Variants in CACNA2D2 observed in about 807,000 individuals in gnomAD.
CACNA2D2 encodes voltage-dependent calcium channel subunit alpha-2/delta-2.
A neutral mutation model predicts 166.4 loss-of-function variants in CACNA2D2; 48 were observed. The ratio of observed to expected loss-of-function variants is 0.29; its 90% confidence interval spans 0.23 to 0.37. CACNA2D2 has a LOEUF of 0.37. Ranked by LOEUF, CACNA2D2 falls within the 10% of genes least tolerant of loss-of-function variation. The pLI is 1.00. For synonymous variants in CACNA2D2, 561 were observed against 573.7 expected, an observed-to-expected ratio of 0.98 and a Z score of 0.32; for missense variants, 1,122 against 1,433.0, an observed-to-expected ratio of 0.78 and a Z score of 3.50.
intron 3 of CACNA2D2, among the ~76,000 whole-genome samples, chr3:50,415,318 C>T (rs1213036747): frequency 6.6e-6 from 1 of 152,170 alleles, no homozygotes; most frequent in Non-Finnish European, 1.5e-5. Flanking sequence ...CCGTGTGGGT[C>T]CAGGGTTGGG....
chr3:50,377,657 C>T, intron 16 of CACNA2D2, 75 bp downstream of exon 16: 2 of 1,566,702 alleles, frequency 1.3e-6, no homozygotes, highest in South Asian at 2.3e-5. Flanking sequence ...GCCCCTCTTC[C>T]ACCCTCAGAC....
At chr3:50,460,548 C>G (rs771765974) in intron 2 of CACNA2D2, among the ~76,000 whole-genome samples, 1 of 151,934 alleles carries the variant, frequency 6.6e-6, no homozygotes, top group Non-Finnish European at 1.5e-5. Flanking sequence ...GAAACAAGAA[C>G]AAGATATTAT....
intron 2 of CACNA2D2, among the ~76,000 whole-genome samples, chr3:50,440,300 G>T (rs1559950532): frequency 6.6e-6 from 1 of 152,242 alleles, no homozygotes; most frequent in Non-Finnish European, 1.5e-5. Context: ...AGCCCTCAGG[G>T]CACACTATCG....
chr3:50,414,889 C>CA (rs1377139416), intron 3 of CACNA2D2, among the ~76,000 whole-genome samples: 1 of 152,218 alleles, frequency 6.6e-6, no homozygotes, highest in African/African-American at 2.4e-5. Flanking sequence ...TGCAAAGAGG[C>CA]TCAGGCGCAC....
intron 2 of CACNA2D2, among the ~76,000 whole-genome samples, chr3:50,471,563 T>A (rs930660754): frequency 6.6e-6 from 1 of 152,108 alleles, no homozygotes; most frequent in African/African-American, 2.4e-5. Flanking sequence ...GTACCCTCCC[T>A]AGATGGTAAC....
chr3:50,379,341 C>A lies in CACNA2D2; in HGVS notation c.1152+91G>T. On this transcript the variant is annotated intron_variant, in intron 11 of 37. Coordinates refer to ENST00000424201, the MANE Select transcript of CACNA2D2 (RefSeq NM_006030.4). The surrounding 1 kb of genome is among the most constrained non-coding windows in gnomAD (Gnocchi z 6.5). ...ATCTGTCCAAGCTGCCTGTTTGGTG[C>A]TAACGAGGCCATCCGTCTTGATTTC... 6.6e-7 allele frequency: 1 copy of A among 1,520,910 alleles called. No homozygotes were observed. The highest frequency in any genetic ancestry group is 9.0e-7 in the Non-Finnish European group (1 of 1,110,412). The allele number at this position is 1,520,910 out of a possible 1,614,324, so 94.2% of individuals were successfully genotyped here. A position where few individuals can be genotyped will look rare whatever the true frequency, so the allele number is the denominator to read the frequency against.
In CACNA2D2 at chr3:50,378,336, G is replaced by A; in HGVS notation, c.1340-3C>T. 1 of 1,551,654 alleles carries A rather than the reference G, an allele frequency of 6.4e-7. No homozygotes were observed. The highest frequency in any genetic ancestry group is 8.7e-7 in the Non-Finnish European group (1 of 1,147,126). ...GGAAGGGATCTCAAAATAGTAGCCT[G>A]TGAAGGAAGGAGAGGCAGAGGTGGG... On this transcript the variant is annotated splice_polypyrimidine_tract_variant and splice_region_variant and intron_variant, in intron 13 of 37. Transcript: ENST00000424201.
Position 50,364,582 on chromosome 3 carries a change from T to C in CACNA2D2, c.*84A>G. On this transcript the variant is annotated 3_prime_UTR_variant, in exon 38 of 38. Transcript: ENST00000424201. Reference sequence around the variant, plus strand: ...CTTCAGTGAGGGAGGGACGAGGCTCTAAGGCGGGGAGTGTGGGGCAGGAGG... The same window carrying C: ...CTTCAGTGAGGGAGGGACGAGGCTCCAAGGCGGGGAGTGTGGGGCAGGAGG... 1.4e-6 allele frequency: 2 copies of C among 1,407,972 alleles called. No homozygotes were observed. The highest frequency in any genetic ancestry group is 9.3e-7 in the Non-Finnish European group (1 of 1,071,462). 87.2% of individuals were successfully genotyped at this position (1,407,972 alleles called of 1,614,324 possible). A position where few individuals can be genotyped will look rare whatever the true frequency, so the allele number is the denominator to read the frequency against.
Position 50,375,166 on chromosome 3 carries a change from G to A in CACNA2D2, c.1908-353C>T, listed in dbSNP as rs587737636. Among the ~76,000 whole-genome samples, 5 of 152,230 alleles carry A rather than the reference G, an allele frequency of 3.3e-5. No homozygotes were observed. Among genetic ancestry groups the A allele is most frequent in the African/African-American group, 4.8e-5 (2 of 41,452 alleles). On this transcript the variant is annotated intron_variant, in intron 21 of 37. Coordinates refer to ENST00000424201, the MANE Select transcript of CACNA2D2 (RefSeq NM_006030.4). The surrounding 1 kb of genome is among the most constrained non-coding windows in gnomAD (Gnocchi z 4.0). ...AGCTGGCTGCAATGCCAGTGTTGCC[G>A]TGGGAGTGGGGTCACCAGCCCCCAG...
chr3:50,437,909 T>C (rs926695731), intron 2 of CACNA2D2, among the ~76,000 whole-genome samples: 13 of 151,264 alleles, frequency 8.6e-5, no homozygotes, highest in Non-Finnish European at 1.6e-4. Flanking sequence ...GCCCAGAGAG[T>C]TAATTAGAAA....
At position 50,369,138 on chromosome 3, in the gene CACNA2D2, C is replaced by A. The variant is rs929386934; in HGVS notation, c.2046-903G>T. ...GCCTTTGTGCAGTGTACAGCCTGCA[C>A]CTCTGTGCCTAGAGGCCACATTGGA... is the stretch of plus-strand genomic sequence containing the variant. On this transcript the variant is annotated intron_variant, in intron 23 of 37. Transcript: ENST00000424201. 3.3e-5 allele frequency among the ~76,000 whole-genome samples: 5 copies of A among 152,322 alleles called. No individual in the cohort carries two copies. In the South Asian group the frequency reaches 1.0e-3, roughly 32 times the overall value.
intron 4 of CACNA2D2, 39 bp from the exon 5 acceptor site, chr3:50,387,651 G>C (rs1705680889): frequency 1.3e-6 from 2 of 1,559,242 alleles, no homozygotes; most frequent in African/African-American, 2.7e-5. Flanking sequence ...AGCTGCTCAG[G>C]GTCCCGAGAC....
intron 3 of CACNA2D2, among the ~76,000 whole-genome samples, chr3:50,402,486 C>T (rs1706494030): frequency 6.6e-6 from 1 of 152,212 alleles, no homozygotes; most frequent in Admixed American, 6.5e-5. Context: ...GCAAGAGATG[C>T]CCCAATGAGA....
At chr3:50,373,653 A>G (rs1176343542) in intron 22 of CACNA2D2, among the ~76,000 whole-genome samples, 4 of 71,506 alleles carry the variant, frequency 5.6e-5, no homozygotes, top group Admixed American at 1.5e-4. Flanking sequence ...AGCGGGAGGG[A>G]GGGAGAGTGA....
At chr3:50,489,639 G>GGCTGGC (rs1205380593) in intron 1 of CACNA2D2, among the ~76,000 whole-genome samples, 1 of 152,078 alleles carries the variant, frequency 6.6e-6, no homozygotes, top group African/African-American at 2.4e-5. Context: ...CTGGGGCTGG[G>GGCTGGC]GCTGGGGCTG....
chr3:50,487,670 A>G (rs1211466652), intron 1 of CACNA2D2, among the ~76,000 whole-genome samples: 1 of 152,064 alleles, frequency 6.6e-6, no homozygotes, highest in East Asian at 1.9e-4. Context: ...AGCCCCAGCT[A>G]CCCCACCTTT....
chr3:50,377,635 C>T (rs1705059622), intron 16 of CACNA2D2, 94 bp from the exon 17 acceptor site: 1 of 1,553,442 alleles, frequency 6.4e-7, no homozygotes, highest in Non-Finnish European at 8.9e-7. Context: ...AGGCAGTGTG[C>T]AGGCCTGCCC....
At chr3:50,404,870 C>T (rs959580071) in intron 3 of CACNA2D2, among the ~76,000 whole-genome samples, 3 of 152,170 alleles carry the variant, frequency 2.0e-5, no homozygotes, top group African/African-American at 4.8e-5. Flanking sequence ...ACAGGAAGAG[C>T]TGCCTGGAAT....
intron 2 of CACNA2D2, among the ~76,000 whole-genome samples, chr3:50,475,162 G>A (rs1433607641): frequency 1.3e-5 from 2 of 152,124 alleles, no homozygotes; most frequent in Non-Finnish European, 2.9e-5. Flanking sequence ...AAGGGATTGA[G>A]GACAACCCCT....
Sources: gnomAD v4.1 joint callset for allele counts (sites outside exome capture counted in the v4.1 genomes callset) on GRCh38, gnomAD v4.1.1 for gene constraint, Gnocchi (gnomAD v3.1) non-coding constraint, MANE v1.5 for transcripts, NCBI Gene and HGNC (gene_info 2026-07-23, HGNC 2026-07-21) for gene names.